SHANK2: variants seen among roughly 807,000 people sequenced by gnomAD.
SHANK2 encodes SH3 and multiple ankyrin repeat domains 2, also known as SH3 and multiple ankyrin repeat domains protein 2.
Under a neutral mutation model 133.7 loss-of-function variants are expected in SHANK2, and 43 were observed. The observed-to-expected ratio is 0.32, with a 90% CI of 0.25 to 0.41. The LOEUF is 0.41. Among genes scored for constraint, SHANK2 ranks in the 10% least tolerant of loss-of-function variants. The probability of loss-of-function intolerance (pLI) is 1.00; values close to 1 mark genes in which losing one functional copy is unlikely to be tolerated. For missense variants in SHANK2, 1,994 were observed against 2,235.8 expected (o/e 0.89, Z 2.18); for synonymous variants, 1,017 against 952.8 (o/e 1.07, Z -1.24).
intron 11 of SHANK2, among the ~76,000 whole-genome samples, chr11:70,825,081 C>T (rs1194161594): frequency 6.6e-6 from 1 of 152,152 alleles, no homozygotes; most frequent in Non-Finnish European, 1.5e-5. Flanking sequence ...GACTGCCTCA[C>T]GCCCAGCTTC....
chr11:71,242,019 A>C (rs1307783346), intron 1 of SHANK2, among the ~76,000 whole-genome samples: 1 of 152,232 alleles, frequency 6.6e-6, no homozygotes, highest in Non-Finnish European at 1.5e-5. Context: ...TATAAACAAA[A>C]TGTGGCCCAT....
chr11:70,673,433 C>T (rs1202002483), intron 15 of SHANK2, among the ~76,000 whole-genome samples: 2 of 152,238 alleles, frequency 1.3e-5, no homozygotes, highest in Admixed American at 6.5e-5. Flanking sequence ...TCTCAAAGCT[C>T]GCCCACAAAG....
intron 3 of SHANK2, among the ~76,000 whole-genome samples, chr11:71,145,659 G>C (rs1555106564): frequency 2.0e-5 from 3 of 152,204 alleles, no homozygotes; most frequent in Non-Finnish European, 4.4e-5. Context: ...GCATCTCTTA[G>C]CTCCTCCACA....
chr11:71,113,378 C>G lies in SHANK2; in HGVS notation c.412-14G>C, dbSNP rs1239408459. On this transcript the variant is annotated splice_polypyrimidine_tract_variant and intron_variant, in intron 4 of 25. Coordinates refer to ENST00000601538, the MANE Select transcript of SHANK2 (RefSeq NM_012309.5). ...CTTGTATCGAAACTGGCACAGAAAACAAAAAAGAGAGAGAAAACAAGTCAA... is the reference window on the plus strand; with the variant it reads ...CTTGTATCGAAACTGGCACAGAAAAGAAAAAAGAGAGAGAAAACAAGTCAA... The G allele has an allele frequency of 1.9e-6, 3 of 1,549,912 alleles. No individual in the cohort carries two copies. Among genetic ancestry groups the G allele is most frequent in the Non-Finnish European group, 2.6e-6 (3 of 1,146,200 alleles).
chr11:70,819,112 G>A (rs530633314), intron 12 of SHANK2, among the ~76,000 whole-genome samples: 58 of 152,360 alleles, frequency 3.8e-4, no homozygotes, highest in African/African-American at 1.3e-3. Flanking sequence ...GTAGGATGGG[G>A]GCGAGGGTCA....
intron 2 of SHANK2, among the ~76,000 whole-genome samples, chr11:71,171,236 G>A (rs375807381): frequency 6.6e-6 from 1 of 152,190 alleles, no homozygotes; most frequent in African/African-American, 2.4e-5. Flanking sequence ...CAGAGTCCCC[G>A]CGATGACAGA....
intron 2 of SHANK2, among the ~76,000 whole-genome samples, chr11:71,168,048 G>A (rs1953218786): frequency 7.0e-6 from 1 of 142,270 alleles, no homozygotes; most frequent in African/African-American, 2.7e-5. Context: ...GCCAGGCGGA[G>A]GGGCTCCTCA....
At chr11:70,704,657 T>C (rs1555024534) in intron 14 of SHANK2, among the ~76,000 whole-genome samples, 1 of 152,198 alleles carries the variant, frequency 6.6e-6, no homozygotes, top group Non-Finnish European at 1.5e-5. Flanking sequence ...ATGGCCACCA[T>C]TCAAAGCACA....
chr11:70,806,976 G>A, intron 13 of SHANK2, 26 bp downstream of exon 13: 2 of 714,282 alleles, frequency 2.8e-6, no homozygotes, highest in East Asian at 2.7e-5. Flanking sequence ...CACTCCAGGA[G>A]CGGAGGACAA....
chr11:71,094,525 G>T lies in SHANK2; in HGVS notation c.744+12C>A, dbSNP rs1161018757. On this transcript the variant is annotated intron_variant, in intron 7 of 25. Transcript: ENST00000601538. The stretch of plus-strand genomic sequence containing the variant: ...ACGGGGTGGCACCCAAGTAAGATGG[G>T]CCCGAGTTTACCTTCAGGGCAACTT... 6.5e-7 allele frequency: 1 copy of T among 1,547,298 alleles called. No homozygotes were observed. The highest frequency in any genetic ancestry group is 8.7e-7 in the Non-Finnish European group (1 of 1,143,980).
At chr11:70,602,521 C>T (rs1185616628) in intron 17 of SHANK2, among the ~76,000 whole-genome samples, 1 of 152,210 alleles carries the variant, frequency 6.6e-6, no homozygotes, top group Non-Finnish European at 1.5e-5. Flanking sequence ...AGAGAACAGA[C>T]ACATCAGTGA....
At chr11:71,230,306 G>T (rs1419369035) in intron 1 of SHANK2, among the ~76,000 whole-genome samples, 1 of 151,666 alleles carries the variant, frequency 6.6e-6, no homozygotes, top group African/African-American at 2.4e-5. Flanking sequence ...AAAAAGCTGA[G>T]TGCAGTGACT....
intron 6 of SHANK2, among the ~76,000 whole-genome samples, chr11:71,108,320 G>A (rs1157904140): frequency 2.6e-5 from 4 of 152,094 alleles, no homozygotes; most frequent in Admixed American, 6.5e-5. Flanking sequence ...TCCTACAGAC[G>A]TACACGCCCT....
chr11:70,831,404 C>T (rs1948723105), intron 11 of SHANK2, among the ~76,000 whole-genome samples: 1 of 152,186 alleles, frequency 6.6e-6, no homozygotes, highest in African/African-American at 2.4e-5. Flanking sequence ...GCCACCCAAC[C>T]TGGCTCTTCA....
At chr11:70,532,207 G>A (rs1343861293) in intron 17 of SHANK2, among the ~76,000 whole-genome samples, 7 of 152,192 alleles carry the variant, frequency 4.6e-5, no homozygotes, top group African/African-American at 1.7e-4. Context: ...GAACATGTCA[G>A]TTCCATAAGG....
intron 14 of SHANK2, among the ~76,000 whole-genome samples, chr11:70,710,723 CA>C (rs782053758): frequency 2.8e-4 from 43 of 152,296 alleles, no homozygotes; most frequent in African/African-American, 1.0e-3. Flanking sequence ...TGAATGTGAC[CA>C]GAGGCAGACT....
intron 11 of SHANK2, among the ~76,000 whole-genome samples, chr11:70,893,723 C>T (rs1555075165): frequency 1.3e-5 from 2 of 152,182 alleles, no homozygotes; most frequent in African/African-American, 4.8e-5. Flanking sequence ...CTAAACTATC[C>T]TTTCCCTTTG....
At chr11:70,884,207 T>A (rs1555072949) in intron 11 of SHANK2, among the ~76,000 whole-genome samples, 1 of 152,134 alleles carries the variant, frequency 6.6e-6, no homozygotes, top group Non-Finnish European at 1.5e-5. Flanking sequence ...GGCTCGGGGC[T>A]GTGATAATAA....
chr11:70,603,567 A>C (rs1157833652), intron 17 of SHANK2: 2 of 152,284 alleles, frequency 1.3e-5, no homozygotes, highest in Admixed American at 1.3e-4. Context: ...TGTGTCACTG[A>C]CACCAAGGAA....
Sources: gnomAD v4.1 joint callset for allele counts (sites outside exome capture counted in the v4.1 genomes callset) on GRCh38, gnomAD v4.1.1 for gene constraint, MANE v1.5 for transcripts, NCBI Gene and HGNC (gene_info 2026-07-23, HGNC 2026-07-21) for gene names.